NAV2: variants seen among roughly 807,000 people sequenced by gnomAD.
NAV2 encodes helicase, APC down-regulated 1.
Under a neutral mutation model 223.2 loss-of-function variants are expected in NAV2, and 54 were observed. The ratio of observed to expected loss-of-function variants is 0.24; its 90% CI spans 0.19 to 0.30. NAV2 has a LOEUF of 0.30. Ranked by LOEUF, NAV2 falls within the 10% of genes least tolerant of loss-of-function variation. The probability of loss-of-function intolerance (pLI) is 1.00; values close to 1 mark genes in which losing one functional copy is unlikely to be tolerated. For synonymous variants in NAV2, 1,279 were observed against 1,239.3 expected (o/e 1.03, Z -0.67); for missense variants, 2,806 against 3,147.5 (o/e 0.89, Z 2.60).
chr11:19,517,993 G>T (rs1195517400), intron 1 of NAV2, among the ~76,000 whole-genome samples: 1 of 152,230 alleles, frequency 6.6e-6, no homozygotes, highest in Non-Finnish European at 1.5e-5. Flanking sequence ...ATACAAGAGG[G>T]CATAGCTGGG....
intron 1 of NAV2, among the ~76,000 whole-genome samples, chr11:19,356,576 G>A (rs939439222): frequency 6.6e-6 from 1 of 152,182 alleles, no homozygotes; most frequent in African/African-American, 2.4e-5. Flanking sequence ...CTCTGGAGGA[G>A]GGGGAACGTG....
chr11:19,606,003 G>A (rs913016643), intron 1 of NAV2, among the ~76,000 whole-genome samples: 1 of 152,202 alleles, frequency 6.6e-6, no homozygotes, highest in Non-Finnish European at 1.5e-5. Flanking sequence ...AAGATTAATC[G>A]GGATTAGTGA....
intron 11 of NAV2, among the ~76,000 whole-genome samples, chr11:20,021,808 A>G (rs1591697603): frequency 6.6e-6 from 1 of 152,266 alleles, no homozygotes; most frequent in Non-Finnish European, 1.5e-5. Flanking sequence ...CGAGATTACA[A>G]TCTTTTTTTC....
In NAV2 at chr11:20,101,117, G is replaced by A. The variant is rs190793013; in HGVS notation, c.6362G>A (p.Arg2121Gln). The A allele has an allele frequency of 2.4e-5, 39 of 1,614,122 alleles. No homozygotes were observed. Among genetic ancestry groups the A allele is most frequent in the South Asian group, 2.2e-4 (20 of 91,074 alleles). Reference protein sequence around the residue: ...LSEYIVLREGRELTDGVIATF... With the variant: ...LSEYIVLREGQELTDGVIATF... ...GAGTATATAGTGCTTCGAGAGGGACGGGAGTTGACAGACGGGGTTATCGCC... is the reference window on the plus strand; with the variant it reads ...GAGTATATAGTGCTTCGAGAGGGACAGGAGTTGACAGACGGGGTTATCGCC... The change falls in exon 32 of 38, where the codon CGG becomes CAG. Residue 2121 changes from arginine to glutamine, a missense_variant. Around this residue, in one of 4 missense-constraint regions of NAV2, gnomAD observed 824 missense variants for 1,069.4 expected, o/e 0.77. Transcript: ENST00000349880.
rs776195355 is a variant in NAV2 at position 19,879,874 on chromosome 11, A to G, written c.517A>G (p.Arg173Gly). 1.9e-6 allele frequency: 3 copies of G among 1,614,030 alleles called. No individual in the cohort carries two copies. The highest frequency in any genetic ancestry group is 1.3e-5 in the African/African-American group (1 of 75,040). The change falls in exon 5 of 38, where the codon AGG (arginine) becomes GGG (glycine). Residue 173 changes from arginine (R) to glycine (G), a missense_variant. By Grantham distance (125) the Arg-to-Gly change is moderately radical. Transcript: ENST00000349880. ...GTCTCTTTATTGTCTTGCAGAGATC[A>G]GGAATGGAAACCTCAAGGCCATTCT... ...NIQGLSAEEI[R>G]NGNLKAILGL...
chr11:19,664,807 G>A (rs1447358039), intron 1 of NAV2, among the ~76,000 whole-genome samples: 1 of 152,204 alleles, frequency 6.6e-6, no homozygotes, highest in Admixed American at 6.5e-5. Flanking sequence ...AGAGGAAATG[G>A]AAGAACATGT....
chr11:19,904,048 G>T (rs1037135945), intron 6 of NAV2, among the ~76,000 whole-genome samples: 19 of 152,306 alleles, frequency 1.2e-4, no homozygotes, highest in African/African-American at 4.3e-4. Flanking sequence ...CAAGGATCAG[G>T]TTTAGCCCTA....
At chr11:20,049,689 G>A (rs998993870) in intron 15 of NAV2, 147 bp from the exon 16 acceptor site, 6 of 743,106 alleles carry the variant, frequency 8.1e-6, no homozygotes, top group African/African-American at 7.0e-5. Flanking sequence ...GGATTTCTCT[G>A]CAGCAGGGAT....
intron 1 of NAV2, among the ~76,000 whole-genome samples, chr11:19,614,194 G>A (rs1171295031): frequency 5.3e-5 from 8 of 152,132 alleles, no homozygotes; most frequent in African/African-American, 1.7e-4. Context: ...AAGCCCAGTC[G>A]ATAAAGCAAA....
chr11:19,497,994 G>A (rs779605012), intron 1 of NAV2, among the ~76,000 whole-genome samples: 2 of 152,196 alleles, frequency 1.3e-5, no homozygotes, highest in East Asian at 1.9e-4. Context: ...TTTTGTCATC[G>A]TCGTAATTTC....
At chr11:19,384,028 A>G (rs558261130) in intron 1 of NAV2, among the ~76,000 whole-genome samples, 5 of 152,376 alleles carry the variant, frequency 3.3e-5, no homozygotes, top group Admixed American at 2.6e-4. Flanking sequence ...TGGTGCATCT[A>G]TTTAATTGAG....
intron 1 of NAV2, among the ~76,000 whole-genome samples, chr11:19,564,774 G>T (rs1035490049): frequency 6.6e-6 from 1 of 152,222 alleles, no homozygotes; most frequent in Non-Finnish European, 1.5e-5. Flanking sequence ...TCACAGAGGG[G>T]AAGGCTGAGG....
At chr11:19,442,647 T>C (rs1378043493) in intron 1 of NAV2, among the ~76,000 whole-genome samples, 3 of 152,200 alleles carry the variant, frequency 2.0e-5, no homozygotes, top group Non-Finnish European at 4.4e-5. Context: ...CCTGCAGTGA[T>C]GTTGGGAGAT....
At chr11:19,351,112 G>A in intron 1 of NAV2, 2 of 1,326,112 alleles carry the variant, frequency 1.5e-6, no homozygotes, top group African/African-American at 1.5e-5. Flanking sequence ...TCATCATCGA[G>A]CATGCTTGTC....
chr11:19,533,359 T>A (rs1438133168), intron 1 of NAV2, among the ~76,000 whole-genome samples: 1 of 152,042 alleles, frequency 6.6e-6, no homozygotes, highest in East Asian at 1.9e-4. Context: ...ACCAAAAATA[T>A]CTGCAGTCAT....
intron 1 of NAV2, among the ~76,000 whole-genome samples, chr11:19,715,641 C>G (rs1270601747): frequency 6.6e-6 from 1 of 152,182 alleles, no homozygotes; most frequent in Non-Finnish European, 1.5e-5. Context: ...CAAACATTGT[C>G]AGAGGACTGG....
At chr11:19,424,698 G>A (rs1454951781) in intron 1 of NAV2, among the ~76,000 whole-genome samples, 3 of 151,586 alleles carry the variant, frequency 2.0e-5, no homozygotes, top group African/African-American at 7.3e-5. Context: ...ATAGGTGCCT[G>A]CCACACGTCT....
intron 19 of NAV2, among the ~76,000 whole-genome samples, chr11:20,061,063 A>G (rs1214696996): frequency 2.0e-5 from 3 of 152,218 alleles, no homozygotes; most frequent in Non-Finnish European, 2.9e-5. Flanking sequence ...ACTACAGGTC[A>G]TAACTCGGTG....
intron 10 of NAV2, among the ~76,000 whole-genome samples, chr11:19,961,958 G>T (rs2048378410): frequency 1.3e-5 from 2 of 151,952 alleles, no homozygotes; most frequent in Non-Finnish European, 2.9e-5. Context: ...TAGGGTGTGT[G>T]TAGGTTTGTG....
Sources: allele counts gnomAD v4.1 joint callset (sites outside exome capture counted in the v4.1 genomes callset), GRCh38; gene constraint gnomAD v4.1.1; regional missense constraint gnomAD v4.1.1; transcripts MANE v1.5; gene names NCBI Gene and HGNC (gene_info 2026-07-23, HGNC 2026-07-21).